Variants in UBE2W observed in about 807,000 individuals in gnomAD.
UBE2W encodes ubiquitin conjugating enzyme E2 W.
Under a neutral mutation model 27.2 loss-of-function variants are expected in UBE2W, and 18 were observed. The observed-to-expected ratio is 0.66, with a 90% CI of 0.46 to 0.98. The LOEUF (loss-of-function observed/expected upper bound fraction) is 0.98, where lower values mean the gene tolerates loss of function less well. Among genes scored for constraint, UBE2W ranks in the 50% least tolerant of loss-of-function variants. The probability of loss-of-function intolerance (pLI) is 0.00; values close to 1 mark genes in which losing one functional copy is unlikely to be tolerated. For synonymous variants in UBE2W, 53 were observed against 57.2 expected, an observed-to-expected ratio of 0.93 and a Z score of 0.33; for missense variants, 90 against 180.2, an observed-to-expected ratio of 0.50 and a Z score of 2.87.
intron 1 of UBE2W, among the ~76,000 whole-genome samples, chr8:73,844,355 G>T (rs985042860): frequency 6.6e-6 from 1 of 152,182 alleles, no homozygotes; most frequent in African/African-American, 2.4e-5. Context: ...CGCCGTGTTG[G>T]CTGGGCTGGT....
intron 5 of UBE2W, among the ~76,000 whole-genome samples, chr8:73,798,097 G>C (rs954012282): frequency 6.6e-6 from 1 of 152,102 alleles, no homozygotes; most frequent in African/African-American, 2.4e-5. Context: ...AGACCAATCT[G>C]GGCAACATAG....
intron 3 of UBE2W, among the ~76,000 whole-genome samples, chr8:73,811,560 A>AG (rs1809155444): frequency 6.6e-6 from 1 of 152,122 alleles, no homozygotes; most frequent in African/African-American, 2.4e-5. Context: ...GACCTCGCCA[A>AG]AAATCAAACA....
chr8:73,845,053 T>TGGG (rs747834519), intron 1 of UBE2W, among the ~76,000 whole-genome samples: 15,423 of 32,886 alleles, frequency 0.47, 2,603 homozygotes, highest in African/African-American at 0.58. Context: ...ATCCGGGAGG[T>TGGG]GGCCAGCCCC....
intron 5 of UBE2W, among the ~76,000 whole-genome samples, chr8:73,798,644 C>A (rs910023882): frequency 3.3e-5 from 5 of 152,144 alleles, no homozygotes; most frequent in Admixed American, 2.6e-4. Context: ...AACAAATGGA[C>A]CATACAACTA....
chr8:73,791,240 T>A lies in UBE2W; in HGVS notation c.*2862A>T, dbSNP rs1302504740. On this transcript the variant is annotated 3_prime_UTR_variant, in exon 6 of 6. Coordinates refer to ENST00000602593, the MANE Select transcript of UBE2W (RefSeq NM_018299.6). ...TGAAAACAATCCTTCTCTCTAAACC[T>A]ATGGCATTAATCCCTACTTGACCAA... 3.1e-6 allele frequency: 3 copies of A among 980,344 alleles called. No homozygotes were observed. The highest frequency in any genetic ancestry group is 3.6e-6 in the Non-Finnish European group (3 of 828,952). The allele number at this position is 980,344 out of a possible 1,614,324, so 60.7% of individuals were successfully genotyped here.
intron 1 of UBE2W, among the ~76,000 whole-genome samples, chr8:73,844,391 T>C (rs1355063869): frequency 6.6e-6 from 1 of 152,220 alleles, no homozygotes; most frequent in Non-Finnish European, 1.5e-5. Context: ...GTGAGTGATC[T>C]GCCAGCCTCG....
intron 5 of UBE2W, among the ~76,000 whole-genome samples, chr8:73,796,268 A>G (rs1808416390): frequency 6.6e-6 from 1 of 152,146 alleles, no homozygotes; most frequent in Admixed American, 6.5e-5. Flanking sequence ...CTCTAAGCTA[A>G]AAGATGGCAC....
In UBE2W at chr8:73,789,192, G is replaced by A. The variant is rs1291524453; in HGVS notation, c.*4910C>T. The A allele has an allele frequency of 5.1e-6, 5 of 984,298 alleles. No homozygotes were observed. Among genetic ancestry groups the A allele is most frequent in the East Asian group, 1.1e-4 (1 of 8,786 alleles). The allele number at this position is 984,298 out of a possible 1,614,324, so 61.0% of individuals were successfully genotyped here. A position where few individuals can be genotyped will look rare whatever the true frequency, so the allele number is the denominator to read the frequency against. The stretch of plus-strand genomic sequence containing the variant: ...ACCTGTCTTAAATCGGCAAACAGAC[G>A]AGGCATGGTGGCTTGCACCTGTAAT... On this transcript the variant is annotated 3_prime_UTR_variant, in exon 6 of 6. Coordinates refer to ENST00000602593, the MANE Select transcript of UBE2W (RefSeq NM_018299.6).
At chr8:73,836,938 A>G (rs139542282) in intron 1 of UBE2W, among the ~76,000 whole-genome samples, 2 of 152,342 alleles carry the variant, frequency 1.3e-5, no homozygotes, top group Non-Finnish European at 2.9e-5. Flanking sequence ...AAACACCCAG[A>G]AACCATGGGG....
At chr8:73,783,090 AAAC>A (rs1411583930), downstream of UBE2W, among the ~76,000 whole-genome samples, 11 of 152,186 alleles carry the variant, frequency 7.2e-5, no homozygotes. Flanking sequence ...TTCGAGTAAA[AAAC>A]AAAATCACCC....
At position 73,813,829 on chromosome 8, in the gene UBE2W, T is replaced by C. The variant is rs188495744; in HGVS notation, c.211-3200A>G. Among the ~76,000 whole-genome samples the C allele has an allele frequency of 3.2e-3, 490 of 152,108 alleles. 3 individuals carry two copies. The highest frequency in any genetic ancestry group is 9.5e-3 in the South Asian group (46 of 4,820). ...GTGCAATGGTACGACCTTGGCTCAC[T>C]GCAATCCCCGCCTCCCAGGTTCAAG... On this transcript the variant is annotated intron_variant, in intron 3 of 5. Coordinates refer to ENST00000602593, the MANE Select transcript of UBE2W (RefSeq NM_018299.6).
At chr8:73,823,569 C>A (rs1464070114) in intron 3 of UBE2W, among the ~76,000 whole-genome samples, 1 of 152,166 alleles carries the variant, frequency 6.6e-6, no homozygotes, top group Non-Finnish European at 1.5e-5. Context: ...CATTTACAGT[C>A]AGAAATGATG....
intron 1 of UBE2W, among the ~76,000 whole-genome samples, chr8:73,843,491 G>A (rs1235845778): frequency 3.9e-5 from 6 of 151,946 alleles, no homozygotes; most frequent in South Asian, 2.1e-4. Context: ...AAATTTGCCC[G>A]GCATGGTGGT....
chr8:73,822,497 G>A (rs1318453738), intron 3 of UBE2W, among the ~76,000 whole-genome samples: 1 of 146,262 alleles, frequency 6.8e-6, no homozygotes, highest in African/African-American at 2.5e-5. Context: ...GAGGGACAAC[G>A]ATCAGGAAAT....
At chr8:73,866,670 TAAAC>T (rs923768040) in intron 1 of UBE2W, among the ~76,000 whole-genome samples, 6 of 151,956 alleles carry the variant, frequency 3.9e-5, no homozygotes, top group Admixed American at 1.3e-4. Flanking sequence ...TGACACCAAA[TAAAC>T]AAAGAAAAAA....
At chr8:73,842,337 GCTTAACATGGTGAAAC>G in intron 1 of UBE2W, among the ~76,000 whole-genome samples, 1 of 151,714 alleles carries the variant, frequency 6.6e-6, no homozygotes, top group African/African-American at 2.4e-5. Flanking sequence ...GACCATCCTG[GCTTAACATGGTGAAAC>G]CCTGTCTCGA....
intron 5 of UBE2W, among the ~76,000 whole-genome samples, chr8:73,804,517 A>G (rs1270793317): frequency 1.3e-5 from 2 of 152,010 alleles, no homozygotes; most frequent in Non-Finnish European, 2.9e-5. Flanking sequence ...AAAATTAGAG[A>G]GTACTTTATT....
intron 5 of UBE2W, among the ~76,000 whole-genome samples, chr8:73,802,497 GA>G (rs1808687151): frequency 6.6e-6 from 1 of 152,102 alleles, no homozygotes; most frequent in Admixed American, 6.5e-5. Context: ...TCATATAATT[GA>G]ATGTTTAATT....
rs973654177 is a variant in UBE2W at position 73,815,424 on chromosome 8, G to T, written c.211-4795C>A. 2.6e-5 allele frequency among the ~76,000 whole-genome samples: 4 copies of T among 152,178 alleles called. No individual in the cohort carries two copies. In the South Asian group the frequency reaches 8.3e-4, roughly 32 times the overall value. ...CTCACTCAAAGTTGGTGTAGTCAGA[G>T]AAATAGCTCAATATTATAGCTACCA... On this transcript the variant is annotated intron_variant, in intron 3 of 5. Coordinates refer to ENST00000602593, the MANE Select transcript of UBE2W (RefSeq NM_018299.6).
Sources: gnomAD v4.1 joint callset for allele counts (sites outside exome capture counted in the v4.1 genomes callset) on GRCh38, gnomAD v4.1.1 for gene constraint, MANE v1.5 for transcripts, NCBI Gene and HGNC (gene_info 2026-07-23, HGNC 2026-07-21) for gene names.